The following MGMT variants were observed in gnomAD, a reference collection of about 807,000 sequenced individuals.
MGMT encodes the protein O-6-methylguanine-DNA methyltransferase.
A neutral mutation model predicts 15.9 loss-of-function variants in MGMT; 14 were observed. The ratio of observed to expected loss-of-function variants is 0.88; its 90% confidence interval spans 0.58 to 1.37. MGMT has a LOEUF of 1.37. Among genes scored for constraint, MGMT ranks in the 40% most tolerant of loss-of-function variants. MGMT has a pLI of 0.00. For missense variants in MGMT, 282 were observed against 268.1 expected, an observed-to-expected ratio of 1.05 and a Z score of -0.36; for synonymous variants, 130 against 118.2, an observed-to-expected ratio of 1.10 and a Z score of -0.65.
Position 129,467,312 on chromosome 10 carries a change from G to A in MGMT, c.-13+16G>A. ...TTGCGACTTGGTGAGTGTCTGGGTC[G>A]CCTCGCTCCCGGAAGAGTGCGGAGC... On this transcript the variant is annotated intron_variant, in intron 1 of 4. Coordinates refer to ENST00000651593, the MANE Select transcript of MGMT (RefSeq NM_002412.5). 2 of 1,534,568 alleles carry A rather than the reference G, an allele frequency of 1.3e-6. No individual in the cohort carries two copies. The highest frequency in any genetic ancestry group is 8.8e-7 in the Non-Finnish European group (1 of 1,141,150).
chr10:129,666,836 A>G (rs1847664630), intron 2 of MGMT, among the ~76,000 whole-genome samples: 1 of 152,142 alleles, frequency 6.6e-6, no homozygotes, highest in South Asian at 2.1e-4. Context: ...TTTGTTTCTA[A>G]TGTTTGCTGC....
At chr10:129,645,892 G>A (rs1283191155) in intron 2 of MGMT, among the ~76,000 whole-genome samples, 1 of 152,232 alleles carries the variant, frequency 6.6e-6, no homozygotes, top group African/African-American at 2.4e-5. Flanking sequence ...TCATGGGGAA[G>A]TGTCCTCTGA....
At chr10:129,573,035 T>C (rs1280163565) in intron 2 of MGMT, among the ~76,000 whole-genome samples, 1 of 152,218 alleles carries the variant, frequency 6.6e-6, no homozygotes, top group Non-Finnish European at 1.5e-5. Context: ...ATTTAAAATT[T>C]AGTGCTTTGA....
At chr10:129,638,884 G>T (rs1480994726) in intron 2 of MGMT, among the ~76,000 whole-genome samples, 1 of 152,122 alleles carries the variant, frequency 6.6e-6, no homozygotes, top group Non-Finnish European at 1.5e-5. Flanking sequence ...ATGGAAAGAA[G>T]CATGTCAGGA....
intron 2 of MGMT, among the ~76,000 whole-genome samples, chr10:129,553,088 C>A (rs939348645): frequency 6.6e-6 from 1 of 152,140 alleles, no homozygotes; most frequent in East Asian, 1.9e-4. Context: ...AGCTTCCCAC[C>A]GCATGGAGTT....
intron 4 of MGMT, among the ~76,000 whole-genome samples, chr10:129,760,210 C>A (rs1337647394): frequency 6.6e-6 from 1 of 152,254 alleles, no homozygotes; most frequent in African/African-American, 2.4e-5. Context: ...GGTGGTAAGT[C>A]ACAGCATGCC....
chr10:129,708,212 A>G (rs1848190615), intron 3 of MGMT, among the ~76,000 whole-genome samples, 169 bp downstream of exon 3: 1 of 151,212 alleles, frequency 6.6e-6, no homozygotes, highest in Non-Finnish European at 1.5e-5. Flanking sequence ...GCCTCCACCC[A>G]CTCCAACACT....
At chr10:129,564,664 C>T (rs1242956395) in intron 2 of MGMT, among the ~76,000 whole-genome samples, 1 of 127,014 alleles carries the variant, frequency 7.9e-6, no homozygotes, top group Admixed American at 8.0e-5. Flanking sequence ...CCTCTCCTTC[C>T]TCCCCCTCCT....
intron 1 of MGMT, among the ~76,000 whole-genome samples, chr10:129,502,841 G>A (rs944965519): frequency 1.4e-4 from 22 of 152,024 alleles, no homozygotes; most frequent in African/African-American, 4.8e-4. Flanking sequence ...ACAAGATGTC[G>A]AGACAAACAA....
chr10:129,646,871 G>T (rs777792921), intron 2 of MGMT, among the ~76,000 whole-genome samples: 18 of 150,886 alleles, frequency 1.2e-4, no homozygotes, highest in Non-Finnish European at 2.1e-4. Flanking sequence ...TGGGCAGCGG[G>T]TGAAGGACAG....
chr10:129,519,985 A>G (rs979921794), intron 1 of MGMT, among the ~76,000 whole-genome samples: 2 of 152,178 alleles, frequency 1.3e-5, no homozygotes, highest in East Asian at 1.9e-4. Flanking sequence ...CCTGGGCAAC[A>G]TAGCAAGACC....
intron 2 of MGMT, among the ~76,000 whole-genome samples, chr10:129,539,299 GTT>G (rs1216239392): frequency 2.0e-5 from 3 of 152,068 alleles, no homozygotes; most frequent in African/African-American, 7.2e-5. Flanking sequence ...GAGGTACAGA[GTT>G]TATTTTTTCC....
intron 2 of MGMT, among the ~76,000 whole-genome samples, chr10:129,550,106 A>G (rs1293486008): frequency 6.6e-6 from 1 of 152,234 alleles, no homozygotes; most frequent in Non-Finnish European, 1.5e-5. Context: ...TGTGATAAAA[A>G]TATGTCACTT....
intron 3 of MGMT, among the ~76,000 whole-genome samples, chr10:129,743,215 A>T (rs1848658222): frequency 6.6e-6 from 1 of 151,480 alleles, no homozygotes; most frequent in African/African-American, 2.4e-5. Context: ...TGTCACTTCC[A>T]CTCTGGCACC....
intron 2 of MGMT, among the ~76,000 whole-genome samples, chr10:129,688,017 A>G (rs1041325192): frequency 1.6e-4 from 25 of 152,234 alleles, no homozygotes; most frequent in Middle Eastern, 6.8e-3. Context: ...TCCCTATAAA[A>G]GACATGAACT....
At chr10:129,564,548 ATCTTCC>A (rs1344534945) in intron 2 of MGMT, among the ~76,000 whole-genome samples, 8 of 47,478 alleles carry the variant, frequency 1.7e-4, no homozygotes, top group African/African-American at 6.5e-4. Context: ...CCACTTCCTC[ATCTTCC>A]TCTTCTTCCT....
intron 4 of MGMT, among the ~76,000 whole-genome samples, chr10:129,761,771 C>T (rs1224294858): frequency 2.6e-5 from 4 of 152,210 alleles, no homozygotes. Flanking sequence ...TCGGCGTCCA[C>T]ATGCCTCCTG....
At chr10:129,726,046 A>G (rs369617534) in intron 3 of MGMT, among the ~76,000 whole-genome samples, 20 of 152,158 alleles carry the variant, frequency 1.3e-4, no homozygotes, top group Middle Eastern at 3.4e-3. Flanking sequence ...CAGCCTGGCC[A>G]TGGCTCAGGT....
Position 129,480,318 on chromosome 10 carries a change from C to T in MGMT, c.-13+13022C>T, listed in dbSNP as rs904411385. On this transcript the variant is annotated intron_variant, in intron 1 of 4. Coordinates refer to ENST00000651593, the MANE Select transcript of MGMT (RefSeq NM_002412.5). ...TGAGGGTTTGTAGCAGGGTGCAATCCGAGACCCGCTCTGTGAACTTTTTGC... is the reference window on the plus strand; with the variant it reads ...TGAGGGTTTGTAGCAGGGTGCAATCTGAGACCCGCTCTGTGAACTTTTTGC... Among the ~76,000 whole-genome samples the T allele has an allele frequency of 9.9e-5, 15 of 152,152 alleles. No homozygotes were observed. The South Asian group carries it at 1.0e-3, about 11-fold the overall frequency.
Sources: gnomAD v4.1 joint callset for allele counts (sites outside exome capture counted in the v4.1 genomes callset) on GRCh38, gnomAD v4.1.1 for gene constraint, MANE v1.5 for transcripts, NCBI Gene and HGNC (gene_info 2026-07-23, HGNC 2026-07-21) for gene names.